PEX7: variants seen among roughly 807,000 people sequenced by gnomAD.
PEX7 encodes peroxisomal biogenesis factor 7, also known as PTS2 receptor.
In PEX7, 34 loss-of-function variants were observed where a neutral mutation model predicts 47.5. That is an observed-to-expected ratio of 0.72 (90% CI 0.54 to 0.95). The LOEUF (loss-of-function observed/expected upper bound fraction) is 0.95. PEX7 is among the 40% of genes least tolerant of loss of function. The pLI is 0.00. For missense variants in PEX7, 394 were observed against 400.3 expected, an observed-to-expected ratio of 0.98 and a Z score of 0.13; for synonymous variants, 141 against 148.8, an observed-to-expected ratio of 0.95 and a Z score of 0.38.
Position 136,837,695 on chromosome 6 carries a change from A to G in PEX7, c.340-7920A>G, listed in dbSNP as rs118115571. On this transcript the variant is annotated intron_variant, in intron 3 of 9. Transcript: ENST00000318471. ...TCTTGTGTCAGAAAGCAGGAAAGCTATGAAAGGCCGCTGGAGACATATCAA... is the reference window on the plus strand; with the variant it reads ...TCTTGTGTCAGAAAGCAGGAAAGCTGTGAAAGGCCGCTGGAGACATATCAA... Among the ~76,000 whole-genome samples the G allele has an allele frequency of 6.6e-4, 101 of 152,298 alleles. 2 individuals are homozygous for G. In the East Asian group the frequency reaches 0.019, roughly 28 times the overall value.
At chr6:136,833,830 T>A (rs895165091) in intron 3 of PEX7, among the ~76,000 whole-genome samples, 1 of 152,240 alleles carries the variant, frequency 6.6e-6, no homozygotes, top group African/African-American at 2.4e-5. Flanking sequence ...CTTTGTTTTA[T>A]ATTTTAAAGT....
chr6:136,869,545 C>T (rs1775136629), intron 6 of PEX7, among the ~76,000 whole-genome samples: 1 of 152,140 alleles, frequency 6.6e-6, no homozygotes, highest in African/African-American at 2.4e-5. Flanking sequence ...AAGCTGGGCT[C>T]ATTTGTCAGA....
chr6:136,830,729 A>G (rs1486656506), intron 3 of PEX7, among the ~76,000 whole-genome samples: 1 of 152,258 alleles, frequency 6.6e-6, no homozygotes, highest in African/African-American at 2.4e-5. Flanking sequence ...AGAGTGAGTT[A>G]AAGTGACTTT....
intron 2 of PEX7, among the ~76,000 whole-genome samples, chr6:136,826,072 G>GCC (rs1774183717): frequency 6.6e-6 from 1 of 152,074 alleles, no homozygotes. Context: ...GCAGTATACT[G>GCC]TGTACTATTA....
intron 3 of PEX7, among the ~76,000 whole-genome samples, chr6:136,830,502 G>C (rs957232425): frequency 5.3e-5 from 8 of 152,232 alleles, no homozygotes; most frequent in African/African-American, 1.9e-4. Flanking sequence ...GCTAAACCTA[G>C]CATCGAAGTA....
chr6:136,901,719 G>T (rs1040350738), intron 9 of PEX7, among the ~76,000 whole-genome samples: 5 of 152,234 alleles, frequency 3.3e-5, no homozygotes. Context: ...GACCTGTGAA[G>T]AATTCATAGT....
At chr6:136,883,278 C>G (rs966046460) in intron 8 of PEX7, among the ~76,000 whole-genome samples, 7 of 151,816 alleles carry the variant, frequency 4.6e-5, no homozygotes, top group African/African-American at 1.7e-4. Context: ...TTTTGTAGAC[C>G]TTTGAAAGCT....
intron 5 of PEX7, among the ~76,000 whole-genome samples, chr6:136,848,795 A>G (rs62420685): frequency 0.2 from 31,045 of 152,120 alleles, 3,956 homozygotes; most frequent in Middle Eastern, 0.3. Context: ...CATCAGGGAT[A>G]TTGGTCTAAA....
chr6:136,866,822 G>A lies in PEX7; in HGVS notation c.633+89G>A, dbSNP rs117851001. The A allele has an allele frequency of 9.5e-4, 1,078 of 1,133,706 alleles. 16 individuals carry two copies. The East Asian group carries it at 0.022, about 23-fold the overall frequency. 70.2% of individuals were successfully genotyped at this position (1,133,706 alleles called of 1,614,324 possible). ...TTTGTCTTTGTTTATGTGGACTTTG[G>A]TGGTGTTCCTGGACCATTAAGTTAA... On this transcript the variant is annotated intron_variant, in intron 6 of 9. Transcript: ENST00000318471.
chr6:136,868,997 T>G (rs553831226), intron 6 of PEX7, among the ~76,000 whole-genome samples: 8 of 152,310 alleles, frequency 5.3e-5, no homozygotes, highest in African/African-American at 1.9e-4. Context: ...ATGGAAAAAT[T>G]TAATTCATAG....
At chr6:136,875,492 T>C (rs1775254906) in intron 8 of PEX7, among the ~76,000 whole-genome samples, 1 of 152,248 alleles carries the variant, frequency 6.6e-6, no homozygotes, top group South Asian at 2.1e-4. Flanking sequence ...TCTACTTTTA[T>C]TGCATTAAAA....
chr6:136,845,090 C>T (rs1774571179), intron 3 of PEX7, among the ~76,000 whole-genome samples: 1 of 152,140 alleles, frequency 6.6e-6, no homozygotes, highest in Non-Finnish European at 1.5e-5. Flanking sequence ...TGAAATGGTT[C>T]ACTGAGAGCA....
intron 8 of PEX7, among the ~76,000 whole-genome samples, chr6:136,894,415 T>C (rs6928419): frequency 0.062 from 9,390 of 151,738 alleles, 658 homozygotes; most frequent in African/African-American, 0.17. Flanking sequence ...CATGGTGAAA[T>C]CCCATCTCTA....
chr6:136,840,613 G>A (rs1370782360), intron 3 of PEX7, among the ~76,000 whole-genome samples: 1 of 152,148 alleles, frequency 6.6e-6, no homozygotes, highest in East Asian at 1.9e-4. Flanking sequence ...ATAATGGATT[G>A]GAGGTAAACA....
At chr6:136,886,762 T>C (rs1289699114) in intron 8 of PEX7, among the ~76,000 whole-genome samples, 1 of 152,116 alleles carries the variant, frequency 6.6e-6, no homozygotes, top group Non-Finnish European at 1.5e-5. Context: ...TCAAATCTGT[T>C]ACCAGAGGGG....
chr6:136,836,723 C>T (rs1438213153), intron 3 of PEX7, among the ~76,000 whole-genome samples: 2 of 151,624 alleles, frequency 1.3e-5, no homozygotes, highest in Non-Finnish European at 2.9e-5. Flanking sequence ...GAGATCAAGG[C>T]GAATGGGTCA....
At chr6:136,842,763 A>G (rs1157133754) in intron 3 of PEX7, among the ~76,000 whole-genome samples, 1 of 152,230 alleles carries the variant, frequency 6.6e-6, no homozygotes, top group Non-Finnish European at 1.5e-5. Flanking sequence ...TGAGTTATGT[A>G]ACATTCTTTT....
intron 1 of PEX7, 198 bp downstream of exon 1, chr6:136,822,993 C>T (rs567345172): frequency 5.1e-6 from 5 of 985,472 alleles, no homozygotes; most frequent in Non-Finnish European, 6.0e-6. Context: ...AAGCAGGAGT[C>T]GATCTTCCAG....
chr6:136,907,828 T>C (rs1210951843), intron 9 of PEX7, among the ~76,000 whole-genome samples: 3 of 152,198 alleles, frequency 2.0e-5, no homozygotes, highest in Non-Finnish European at 4.4e-5. Context: ...TTTTCTAAAT[T>C]TTACACGTAT....
Sources: gnomAD v4.1 joint callset for allele counts (sites outside exome capture counted in the v4.1 genomes callset) on GRCh38, gnomAD v4.1.1 for gene constraint, MANE v1.5 for transcripts, NCBI Gene and HGNC (gene_info 2026-07-23, HGNC 2026-07-21) for gene names.